Variants in ULK1 observed in about 807,000 individuals in gnomAD.
The protein encoded by ULK1 is unc-51 like autophagy activating kinase 1.
A neutral mutation model predicts 117.5 loss-of-function variants in ULK1; 48 were observed. The ratio of observed to expected loss-of-function variants is 0.41; its 90% confidence interval spans 0.32 to 0.52. ULK1 has a LOEUF of 0.52. Ranked by LOEUF, ULK1 falls within the 20% of genes least tolerant of loss-of-function variation. The pLI is 0.29. For synonymous variants in ULK1, 790 were observed against 637.8 expected (o/e 1.24, Z -3.60); for missense variants, 1,387 against 1,473.4 (o/e 0.94, Z 0.96).
In ULK1 at chr12:131,912,090, G is replaced by A; in HGVS notation, c.1096+1G>A. On this transcript the variant is annotated splice_donor_variant, in intron 13 of 27. Coordinates refer to ENST00000321867, the MANE Select transcript of ULK1 (RefSeq NM_003565.4). LOFTEE classifies it high-confidence loss of function. ...GTCATGGTCCCCGCGCAGTTTCCAGGTCAGGGGGCACGCTGGGCTTGGAGG... is the reference window on the plus strand; with the variant it reads ...GTCATGGTCCCCGCGCAGTTTCCAGATCAGGGGGCACGCTGGGCTTGGAGG... The A allele has an allele frequency of 6.2e-7, 1 of 1,610,858 alleles. No homozygotes were observed. Among genetic ancestry groups the A allele is most frequent in the Non-Finnish European group, 8.5e-7 (1 of 1,178,902 alleles).
Position 131,909,187 on chromosome 12 carries a change from A to T in ULK1, c.616A>T (p.Ser206Cys). The T allele has an allele frequency of 6.2e-7, 1 of 1,610,240 alleles. No individual in the cohort carries two copies. Among genetic ancestry groups the T allele is most frequent in the Non-Finnish European group, 8.5e-7 (1 of 1,178,792 alleles). Residue 206 changes from serine to cysteine, a missense_variant, in exon 8 of 28, where the codon AGC becomes TGC. Transcript: ENST00000321867. ...QHYDGKADLW[S>C]IGTIVYQCLT... ...CTACGACGGGAAGGCGGACCTGTGG[A>T]GCATCGGCACCATCGTCTACCAGTG...
At chr12:131,901,999 A>C (rs1593260249) in intron 3 of ULK1, among the ~76,000 whole-genome samples, 2 of 151,366 alleles carry the variant, frequency 1.3e-5, no homozygotes, top group South Asian at 2.1e-4. Context: ...ACCTGCCTCA[A>C]CCCCCTGCGG....
chr12:131,915,434 C>A lies in ULK1; in HGVS notation c.1609+13C>A, dbSNP rs557783028. ...TCCCCTCGTCCAGGTGGGTGCAGTC[C>A]GGAGGGGGGAGGGGGTGCTAGGCTG... On this transcript the variant is annotated intron_variant, in intron 18 of 27. Transcript: ENST00000321867. 9 of 1,611,518 alleles carry A rather than the reference C, an allele frequency of 5.6e-6. No homozygotes were observed. Among genetic ancestry groups the A allele is most frequent in the Non-Finnish European group, 6.8e-6 (8 of 1,179,706 alleles).
intron 26 of ULK1, chr12:131,920,358 C>A: frequency 1.8e-6 from 1 of 556,648 alleles, no homozygotes; most frequent in Non-Finnish European, 3.1e-6. Context: ...CCATGTGCAT[C>A]CTGCCTCGCC....
In ULK1 at chr12:131,910,772, G is replaced by A; in HGVS notation, c.920G>A (p.Ser307Asn). Reference protein sequence around the residue: ...SSGSGSSSSSSSTSHLASPPS... With the variant: ...SSGSGSSSSSNSTSHLASPPS... ...GGGTCCGGCAGCAGCTCCAGCAGCA[G>A]CTCCACCTCCCACCTGGCCTCCCCG... Residue 307 changes from serine to asparagine, a missense_variant, in exon 12 of 28, where the codon AGC becomes AAC. Ser to Asn is a conservative substitution (Grantham distance 46, BLOSUM62 1). Around this residue, in one of 4 missense-constraint regions of ULK1, gnomAD observed 260 missense variants for 271.6 expected, o/e 0.96. Transcript: ENST00000321867. The A allele has an allele frequency of 6.2e-7, 1 of 1,612,732 alleles. No homozygotes were observed. Among genetic ancestry groups the A allele is most frequent in the Non-Finnish European group, 8.5e-7 (1 of 1,179,906 alleles).
intron 8 of ULK1, among the ~76,000 whole-genome samples, chr12:131,909,449 G>A (rs1394276624): frequency 1.3e-5 from 2 of 152,156 alleles, no homozygotes; most frequent in East Asian, 3.9e-4. Flanking sequence ...AGCTGCCCCC[G>A]GCAAGGCCTC....
In ULK1 at chr12:131,905,276, G is replaced by A. The variant is rs1382922307; in HGVS notation, c.247-1616G>A. On this transcript the variant is annotated intron_variant, in intron 3 of 27. Coordinates refer to ENST00000321867, the MANE Select transcript of ULK1 (RefSeq NM_003565.4). Reference sequence around the variant, plus strand: ...CTCTGCGGGGGCAGCTCTGGGACACGGGCTTCTCACGTTTATGAAGCAGGC... The same window carrying A: ...CTCTGCGGGGGCAGCTCTGGGACACAGGCTTCTCACGTTTATGAAGCAGGC... Among the ~76,000 whole-genome samples the A allele has an allele frequency of 2.6e-5, 4 of 152,122 alleles. No homozygotes were observed. In the East Asian group the frequency reaches 5.8e-4, roughly 22 times the overall value.
chr12:131,917,128 A>AGGCTGTGGGACGGGGGTTGGG, intron 21 of ULK1, 66 bp downstream of exon 21: 1 of 874,298 alleles, frequency 1.1e-6, no homozygotes, highest in Non-Finnish European at 1.4e-6. Flanking sequence ...TGGGGGTCGG[A>AGGCTGTGGGACGGGGGTTGGG]GGCTGTGGGA....
intron 3 of ULK1, 151 bp downstream of exon 3, chr12:131,895,975 G>C: frequency 2.0e-6 from 2 of 993,052 alleles, no homozygotes; most frequent in Admixed American, 4.5e-5. Flanking sequence ...GGCCTGGGCT[G>C]GTGCTGGCTC....
chr12:131,911,695 C>T (rs575964917), intron 12 of ULK1, among the ~76,000 whole-genome samples: 121 of 152,326 alleles, frequency 7.9e-4, no homozygotes, highest in Non-Finnish European at 1.5e-3. Flanking sequence ...CTTCAACCCA[C>T]CCAGGCTGCA....
intron 10 of ULK1, 97 bp from the exon 11 acceptor site, chr12:131,910,157 G>A (rs1292607816): frequency 3.2e-6 from 5 of 1,578,126 alleles, no homozygotes; most frequent in Non-Finnish European, 4.4e-6. Flanking sequence ...CGCCCGGGCA[G>A]GTGCCCAACG....
At chr12:131,905,984 C>T (rs1000694272) in intron 3 of ULK1, among the ~76,000 whole-genome samples, 4 of 152,170 alleles carry the variant, frequency 2.6e-5, no homozygotes, top group Admixed American at 6.5e-5. Context: ...CGCCTCTGAC[C>T]GAAGGCATTG....
chr12:131,899,274 C>T (rs533635072), intron 3 of ULK1, among the ~76,000 whole-genome samples: 49 of 147,156 alleles, frequency 3.3e-4, no homozygotes, highest in Middle Eastern at 4.1e-3. Context: ...CTGCAATCTC[C>T]GCCTCCCGGG....
intron 21 of ULK1, 25 bp from the exon 22 acceptor site, chr12:131,917,386 C>T (rs1889900117): frequency 2.1e-6 from 3 of 1,451,282 alleles, no homozygotes; most frequent in African/African-American, 1.5e-5. Context: ...TCAGGATGCT[C>T]CTGAGCCCTT....
Position 131,895,586 on chromosome 12 carries a change from A to G in ULK1, c.112-15A>G, listed in dbSNP as rs769923416. 1 of 1,612,744 alleles carries G rather than the reference A, an allele frequency of 6.2e-7. No homozygotes were observed. On this transcript the variant is annotated splice_polypyrimidine_tract_variant and intron_variant, in intron 1 of 27. Coordinates refer to ENST00000321867, the MANE Select transcript of ULK1 (RefSeq NM_003565.4). ...GGGGCAGCCCTGGCCTTGAAGGTGC[A>G]CGTTTGGCTTTCAGAAGCACGATTT...
intron 23 of ULK1, 38 bp downstream of exon 23, chr12:131,918,719 G>T (rs1353011954): frequency 6.5e-7 from 1 of 1,537,044 alleles, no homozygotes. Context: ...CATTCTGGCT[G>T]GAGGGTGTGT....
chr12:131,919,821 A>G (rs919581802), intron 25 of ULK1, 158 bp from the exon 26 acceptor site: 3 of 1,180,006 alleles, frequency 2.5e-6, no homozygotes, highest in African/African-American at 3.1e-5. Flanking sequence ...CACCCGGGAC[A>G]AGGTGCGGAG....
intron 3 of ULK1, among the ~76,000 whole-genome samples, chr12:131,905,751 T>A (rs116113624): frequency 0.012 from 1,811 of 150,918 alleles, 31 homozygotes; most frequent in African/African-American, 0.042. Flanking sequence ...CTGCGGGGAG[T>A]GAGTGGTGGG....
chr12:131,919,803 T>G (rs1890068437), intron 25 of ULK1, 176 bp from the exon 26 acceptor site: 4 of 1,083,810 alleles, frequency 3.7e-6, no homozygotes, highest in Non-Finnish European at 5.2e-6. Context: ...GGCCGTGGGG[T>G]CGGATGGCAC....
Sources: allele counts gnomAD v4.1 joint callset (sites outside exome capture counted in the v4.1 genomes callset), GRCh38; gene constraint gnomAD v4.1.1; regional missense constraint gnomAD v4.1.1; transcripts MANE v1.5; gene names NCBI Gene and HGNC (gene_info 2026-07-23, HGNC 2026-07-21).